The following MON1A variants were observed in gnomAD, a reference collection of about 807,000 sequenced individuals.
The protein encoded by MON1A is MON1 vesicular trafficking associated A.
In MON1A, 29 loss-of-function variants were observed where a neutral mutation model predicts 44.6. That is an observed-to-expected ratio of 0.65 (90% CI 0.48 to 0.89). MON1A has a LOEUF of 0.89. Ranked by LOEUF, MON1A falls within the 40% of genes least tolerant of loss-of-function variation. The probability of loss-of-function intolerance (pLI) is 0.00; values close to 1 mark genes in which losing one functional copy is unlikely to be tolerated. For synonymous variants in MON1A, 275 were observed against 316.4 expected (o/e 0.87, Z 1.39); for missense variants, 615 against 759.6 (o/e 0.81, Z 2.24).
At chr3:49,925,039 G>A (rs1309153026) in intron 1 of MON1A, among the ~76,000 whole-genome samples, 2 of 152,170 alleles carry the variant, frequency 1.3e-5, no homozygotes, top group African/African-American at 4.8e-5. Flanking sequence ...GTTGTTTTAA[G>A]CTGCTAAGTT....
At chr3:49,924,768 C>G (rs2083039575) in intron 1 of MON1A, 1 of 155,850 alleles carries the variant, frequency 6.4e-6, no homozygotes, top group African/African-American at 2.4e-5. Context: ...GGATCATTCC[C>G]TCTAGGGAAA....
intron 1 of MON1A, among the ~76,000 whole-genome samples, chr3:49,927,356 A>C (rs1015253914): frequency 1.3e-5 from 2 of 152,160 alleles, no homozygotes; most frequent in African/African-American, 2.4e-5. Flanking sequence ...AAATGAAATA[A>C]TCCATGTAAT....
Position 49,910,972 on chromosome 3 carries a change from A to G in MON1A, c.614-88T>C, listed in dbSNP as rs1575470116. 1 of 1,298,388 alleles carries G rather than the reference A, an allele frequency of 7.7e-7. No homozygotes were observed. Among genetic ancestry groups the G allele is most frequent in the East Asian group, 2.4e-5 (1 of 42,066 alleles). The allele number at this position is 1,298,388 out of a possible 1,614,324, so 80.4% of individuals were successfully genotyped here. On this transcript the variant is annotated intron_variant, in intron 3 of 5. Transcript: ENST00000296473. The surrounding 1 kb of genome is among the most constrained non-coding windows in gnomAD (Gnocchi z 8.0). ...TCCAGCGCAGCTCTTCGCTTTCCCCATCCTTTCCTCGCTCAGAGCTCTGCG... is the reference window on the plus strand; with the variant it reads ...TCCAGCGCAGCTCTTCGCTTTCCCCGTCCTTTCCTCGCTCAGAGCTCTGCG...
chr3:49,910,988 G>C lies in MON1A; in HGVS notation c.614-104C>G. ...GCTTTCCCCATCCTTTCCTCGCTCA[G>C]AGCTCTGCGCACAGTAGGGGTTTAA... On this transcript the variant is annotated intron_variant, in intron 3 of 5. Coordinates refer to ENST00000296473, the MANE Select transcript of MON1A (RefSeq NM_032355.4). The surrounding 1 kb of genome is among the most constrained non-coding windows in gnomAD (Gnocchi z 8.0). 1 of 1,149,032 alleles carries C rather than the reference G, an allele frequency of 8.7e-7. No homozygotes were observed. Among genetic ancestry groups the C allele is most frequent in the Non-Finnish European group, 1.2e-6 (1 of 821,292 alleles). The allele number at this position is 1,149,032 out of a possible 1,614,324, so 71.2% of individuals were successfully genotyped here.
chr3:49,914,028 C>G (rs1024390827), intron 1 of MON1A, among the ~76,000 whole-genome samples: 2 of 151,884 alleles, frequency 1.3e-5, no homozygotes, highest in Non-Finnish European at 2.9e-5. Context: ...TCAAGCAGTC[C>G]TCCCATCTCA....
chr3:49,912,555 G>C (rs796135932), intron 2 of MON1A: 6 of 165,222 alleles, frequency 3.6e-5, no homozygotes, highest in African/African-American at 1.4e-4. Flanking sequence ...TAAGGTGCCG[G>C]AACGCAGCAC....
At chr3:49,918,383 G>A (rs565792899) in intron 1 of MON1A, among the ~76,000 whole-genome samples, 11 of 150,794 alleles carry the variant, frequency 7.3e-5, no homozygotes, top group African/African-American at 2.4e-4. Flanking sequence ...TTACCACCAC[G>A]AGCTTACCTC....
At position 49,910,893 on chromosome 3, in the gene MON1A, G is replaced by C. The variant is rs925853841; in HGVS notation, c.614-9C>G. The C allele has an allele frequency of 1.3e-6, 2 of 1,582,082 alleles. No individual in the cohort carries two copies. Among genetic ancestry groups the C allele is most frequent in the Non-Finnish European group, 1.7e-6 (2 of 1,159,424 alleles). On this transcript the variant is annotated splice_polypyrimidine_tract_variant and intron_variant, in intron 3 of 5. Coordinates refer to ENST00000296473, the MANE Select transcript of MON1A (RefSeq NM_032355.4). The surrounding 1 kb of genome is among the most constrained non-coding windows in gnomAD (Gnocchi z 8.0). ...TACTACCTTGTAGCCATCTGAGAGC[G>C]GGACAGGAAAGAAGGATGTCAGCCT...
In MON1A at chr3:49,909,312, CATT is replaced by C. The variant is rs2082847661; in HGVS notation, c.1465_1467del (p.Asn489del). The C allele has an allele frequency of 1.2e-6, 2 of 1,613,884 alleles. No individual in the cohort carries two copies. The highest frequency in any genetic ancestry group is 2.7e-5 in the African/African-American group (2 of 74,896). ...TAAATGGTCTTGAGTGGGCGAGAGG[CATT>C]GTGGGCACGACTGTGCAAGTACTGG... On this transcript the variant is annotated inframe_deletion, in exon 5 of 6. Coordinates refer to ENST00000296473, the MANE Select transcript of MON1A (RefSeq NM_032355.4). The surrounding 1 kb of genome is among the most constrained non-coding windows in gnomAD (Gnocchi z 4.0).
chr3:49,911,031 ACCCATTGCT>A lies in MON1A; in HGVS notation c.614-156_614-148del. On this transcript the variant is annotated intron_variant, in intron 3 of 5. Coordinates refer to ENST00000296473, the MANE Select transcript of MON1A (RefSeq NM_032355.4). This position sits in a 1 kb window ranked among gnomAD's most constrained non-coding sequence, Gnocchi z 5.7. ...GGGTTTAAGGATGTTCAGGATAAAA[ACCCATTGCT>A]CCTTCTCCCTGAGGGCTCAGGGCCT... The A allele has an allele frequency of 3.7e-6, 3 of 801,040 alleles. No homozygotes were observed. The South Asian group carries it at 5.9e-5, about 16-fold the overall frequency. 49.6% of individuals were successfully genotyped at this position (801,040 alleles called of 1,614,324 possible).
intron 1 of MON1A, among the ~76,000 whole-genome samples, chr3:49,919,987 T>C (rs1239537616): frequency 6.6e-6 from 1 of 152,190 alleles, no homozygotes; most frequent in Non-Finnish European, 1.5e-5. Flanking sequence ...GTAGCTCACA[T>C]TGGCCAGAAC....
intron 1 of MON1A, among the ~76,000 whole-genome samples, chr3:49,918,244 G>A (rs552103952): frequency 2.6e-4 from 39 of 151,906 alleles, no homozygotes; most frequent in Admixed American, 2.3e-3. Context: ...GGCTGAGACA[G>A]AAGAATTGCT....
At chr3:49,922,314 C>T (rs1321389618) in intron 1 of MON1A, among the ~76,000 whole-genome samples, 1 of 150,826 alleles carries the variant, frequency 6.6e-6, no homozygotes, top group Non-Finnish European at 1.5e-5. Context: ...GGTGTGGTGG[C>T]ATATGCCTGT....
intron 1 of MON1A, among the ~76,000 whole-genome samples, chr3:49,925,498 G>T (rs538640107): frequency 3.0e-4 from 46 of 152,268 alleles, no homozygotes; most frequent in Admixed American, 1.6e-3. Flanking sequence ...TGCATTTAAA[G>T]CTTCAAATTA....
At chr3:49,914,090 CTTT>C (rs776537293) in intron 1 of MON1A, among the ~76,000 whole-genome samples, 9 of 133,448 alleles carry the variant, frequency 6.7e-5, no homozygotes, top group Admixed American at 7.6e-5. Context: ...TCTTCTTCTT[CTTT>C]TTTTTTTTTT....
chr3:49,927,114 G>T (rs1187429217), intron 1 of MON1A, among the ~76,000 whole-genome samples: 1 of 152,066 alleles, frequency 6.6e-6, no homozygotes, highest in Non-Finnish European at 1.5e-5. Flanking sequence ...AATTAAAAAA[G>T]AAAAATGGAA....
chr3:49,927,705 G>C (rs958513165), intron 1 of MON1A, among the ~76,000 whole-genome samples: 1 of 151,952 alleles, frequency 6.6e-6, no homozygotes, highest in Non-Finnish European at 1.5e-5. Flanking sequence ...AATAGACAAC[G>C]GGCTCTCTGC....
intron 1 of MON1A, among the ~76,000 whole-genome samples, chr3:49,928,432 GGAAC>G (rs2083068805): frequency 6.6e-6 from 1 of 152,098 alleles, no homozygotes; most frequent in African/African-American, 2.4e-5. Context: ...CCCTTCTCAG[GGAAC>G]CCTTCTCAGA....
chr3:49,921,163 T>C (rs1053074878), intron 1 of MON1A, among the ~76,000 whole-genome samples: 1 of 151,478 alleles, frequency 6.6e-6, no homozygotes, highest in Non-Finnish European at 1.5e-5. Context: ...TCTCCTTTTT[T>C]TTTTCTTTTT....
Sources: allele counts gnomAD v4.1 joint callset (sites outside exome capture counted in the v4.1 genomes callset), GRCh38; gene constraint gnomAD v4.1.1; non-coding constraint Gnocchi (gnomAD v3.1); transcripts MANE v1.5; gene names NCBI Gene and HGNC (gene_info 2026-07-23, HGNC 2026-07-21).